The following MSH4 variants were observed in gnomAD, a reference collection of about 807,000 sequenced individuals.
The protein encoded by MSH4 is mutS homolog 4.
MSH4 carries 106 observed loss-of-function variants against 113.7 expected under a neutral mutation model. That is an observed-to-expected ratio of 0.93 (90% CI 0.80 to 1.10). MSH4 has a LOEUF of 1.10. Among genes scored for constraint, MSH4 ranks in the 50% least tolerant of loss-of-function variants. The probability of loss-of-function intolerance (pLI) is 0.00; values close to 1 mark genes in which losing one functional copy is unlikely to be tolerated. For missense variants in MSH4, 1,061 were observed against 1,093.7 expected (o/e 0.97, Z 0.42); for synonymous variants, 368 against 380.2 (o/e 0.97, Z 0.37).
chr1:75,902,673 G>GTATA (rs34304425), intron 19 of MSH4, among the ~76,000 whole-genome samples: 6 of 90,236 alleles, frequency 6.6e-5, no homozygotes, highest in Admixed American at 1.4e-4. Flanking sequence ...ATATGTGTAT[G>GTATA]TATATATATA....
chr1:75,819,975 C>A (rs1650373402), intron 6 of MSH4, among the ~76,000 whole-genome samples: 2 of 152,132 alleles, frequency 1.3e-5, no homozygotes. Context: ...CTCTGCCTCC[C>A]AAAGTGCTGG....
At chr1:75,836,778 T>C (rs1029122928) in intron 7 of MSH4, among the ~76,000 whole-genome samples, 2 of 152,236 alleles carry the variant, frequency 1.3e-5, no homozygotes, top group African/African-American at 4.8e-5. Context: ...CTTCTGAGTC[T>C]TTTAAATATA....
chr1:75,866,793 C>T (rs1034250594), intron 8 of MSH4, among the ~76,000 whole-genome samples: 35 of 151,712 alleles, frequency 2.3e-4, no homozygotes, highest in African/African-American at 8.0e-4. Flanking sequence ...CCAGCCTAGC[C>T]AACATGGTGA....
At chr1:75,840,482 A>G (rs1421401843) in intron 7 of MSH4, among the ~76,000 whole-genome samples, 4 of 136,632 alleles carry the variant, frequency 2.9e-5, no homozygotes, top group African/African-American at 1.1e-4. Flanking sequence ...GAACACATGG[A>G]CACAGGAAGG....
intron 7 of MSH4, among the ~76,000 whole-genome samples, chr1:75,842,709 G>C (rs891433225): frequency 6.6e-6 from 1 of 152,198 alleles, no homozygotes; most frequent in Non-Finnish European, 1.5e-5. Flanking sequence ...TGGTCTAGTG[G>C]TAATGCCAGC....
intron 8 of MSH4, among the ~76,000 whole-genome samples, chr1:75,850,780 C>CA: frequency 6.6e-6 from 1 of 152,172 alleles, no homozygotes; most frequent in Non-Finnish European, 1.5e-5. Context: ...AAAGGAGTGT[C>CA]AAAATCTCCA....
intron 8 of MSH4, among the ~76,000 whole-genome samples, chr1:75,864,606 A>G (rs1179366965): frequency 6.6e-6 from 1 of 152,150 alleles, no homozygotes; most frequent in African/African-American, 2.4e-5. Flanking sequence ...ACATCCTTTC[A>G]TATGTATATT....
At chr1:75,853,497 G>T (rs1397767655) in intron 8 of MSH4, among the ~76,000 whole-genome samples, 1 of 152,156 alleles carries the variant, frequency 6.6e-6, no homozygotes, top group Non-Finnish European at 1.5e-5. Context: ...TGATAAGTTT[G>T]TATACTTGGT....
chr1:75,892,753 C>T (rs146966256), intron 17 of MSH4, among the ~76,000 whole-genome samples: 1 of 152,074 alleles, frequency 6.6e-6, no homozygotes, highest in Non-Finnish European at 1.5e-5. Flanking sequence ...GAGGGCCTGC[C>T]TGTCACTACC....
intron 7 of MSH4, among the ~76,000 whole-genome samples, chr1:75,824,514 G>T (rs1199792754): frequency 1.3e-5 from 2 of 152,158 alleles, no homozygotes; most frequent in African/African-American, 4.8e-5. Context: ...TGTTGCCATT[G>T]CTTTTGGTGT....
At chr1:75,833,305 C>A (rs10782560) in intron 7 of MSH4, among the ~76,000 whole-genome samples, 146,634 of 152,256 alleles carry the variant, frequency 0.96, 70,857 homozygotes, top group East Asian at 1. Flanking sequence ...CAAATGGAAG[C>A]ACATTCCATG....
intron 7 of MSH4, among the ~76,000 whole-genome samples, chr1:75,836,061 G>A (rs1469043976): frequency 2.0e-5 from 3 of 152,118 alleles, no homozygotes; most frequent in Non-Finnish European, 4.4e-5. Context: ...ATGCCTGGTA[G>A]CCCTTAAATG....
intron 9 of MSH4, among the ~76,000 whole-genome samples, chr1:75,873,071 G>A (rs1651748712): frequency 6.6e-6 from 1 of 152,188 alleles, no homozygotes; most frequent in South Asian, 2.1e-4. Context: ...AAAACCTTGT[G>A]TCTTTGCTGT....
chr1:75,867,667 G>A (rs5745437), intron 9 of MSH4, 79 bp downstream of exon 9: 52,185 of 893,700 alleles, frequency 0.058, 1,868 homozygotes, highest in Non-Finnish European at 0.073. Flanking sequence ...TTTCAAACTC[G>A]GAAAATTGCA....
At chr1:75,886,567 C>A (rs1652119779) in intron 15 of MSH4, among the ~76,000 whole-genome samples, 1 of 99,390 alleles carries the variant, frequency 1.0e-5, no homozygotes, top group East Asian at 2.5e-4. Context: ...GTATTATATG[C>A]AAGTTATTAT....
chr1:75,900,793 C>G (rs1652490962), intron 19 of MSH4, among the ~76,000 whole-genome samples: 2 of 152,120 alleles, frequency 1.3e-5, no homozygotes, highest in African/African-American at 4.8e-5. Context: ...CTATTTGAAT[C>G]TCTTAGTCAG....
chr1:75,881,681 T>C (rs1236173973), intron 14 of MSH4, among the ~76,000 whole-genome samples: 3 of 152,050 alleles, frequency 2.0e-5, no homozygotes, highest in Non-Finnish European at 4.4e-5. Flanking sequence ...TTTATAAAGT[T>C]CAAATCTGAA....
intron 15 of MSH4, among the ~76,000 whole-genome samples, chr1:75,886,420 A>G (rs546842764): frequency 8.9e-6 from 1 of 112,292 alleles, no homozygotes; most frequent in East Asian, 2.4e-4. Flanking sequence ...TATATGGTAT[A>G]TATGATGTAT....
At chr1:75,836,741 A>T (rs1650837602) in intron 7 of MSH4, among the ~76,000 whole-genome samples, 1 of 152,096 alleles carries the variant, frequency 6.6e-6, no homozygotes, top group African/African-American at 2.4e-5. Context: ...CAACCTCCTG[A>T]TCTTCTTCCT....
Sources: allele counts gnomAD v4.1 joint callset (sites outside exome capture counted in the v4.1 genomes callset), GRCh38; gene constraint gnomAD v4.1.1; transcripts MANE v1.5; gene names NCBI Gene and HGNC (gene_info 2026-07-23, HGNC 2026-07-21).